Variants in CDH9 observed in about 807,000 individuals in gnomAD.
CDH9 encodes the protein cadherin 9, also known as cadherin-9.
Under a neutral mutation model 70.9 loss-of-function variants are expected in CDH9, and 28 were observed. The observed-to-expected ratio is 0.40, with a 90% CI of 0.29 to 0.54. The LOEUF (loss-of-function observed/expected upper bound fraction) is 0.54, where lower values mean the gene tolerates loss of function less well. Ranked by LOEUF, CDH9 falls within the 20% of genes least tolerant of loss-of-function variation. The pLI is 0.59. For missense variants in CDH9, 874 were observed against 984.4 expected, an observed-to-expected ratio of 0.89 and a Z score of 1.50; for synonymous variants, 409 against 343.1, an observed-to-expected ratio of 1.19 and a Z score of -2.12.
intron 1 of CDH9, among the ~76,000 whole-genome samples, chr5:27,020,083 A>G (rs368765994): frequency 1.3e-5 from 2 of 151,910 alleles, no homozygotes; most frequent in African/African-American, 2.4e-5. Context: ...AATTTATTTT[A>G]TATAACTTGT....
Position 27,038,531 on chromosome 5 carries a change from G to T in CDH9, c.-118C>A, listed in dbSNP as rs1561049771. 2 of 151,968 alleles carry T rather than the reference G, an allele frequency of 1.3e-5. No homozygotes were observed. Among genetic ancestry groups the T allele is most frequent in the Non-Finnish European group, 2.9e-5 (2 of 67,970 alleles). 9.4% of individuals were successfully genotyped at this position (151,968 alleles called of 1,614,324 possible). On this transcript the variant is annotated 5_prime_UTR_variant, in exon 1 of 12. Transcript: ENST00000231021. ...CAGTTCCGTTGTTGCTTCTGTCTCGGTCCTTCTCTTCCCTTTTTATAGTAT... is the reference window on the plus strand; with the variant it reads ...CAGTTCCGTTGTTGCTTCTGTCTCGTTCCTTCTCTTCCCTTTTTATAGTAT...
In CDH9 at chr5:26,902,680, C is replaced by G. The variant is rs1355996461; in HGVS notation, c.1049G>C (p.Ser350Thr). 1 of 1,574,256 alleles carries G rather than the reference C, an allele frequency of 6.4e-7. No individual in the cohort carries two copies. The highest frequency in any genetic ancestry group is 8.7e-7 in the Non-Finnish European group (1 of 1,144,312). The change falls in exon 7 of 12, where the codon AGT becomes ACT. Residue 350 changes from serine to threonine, a missense_variant. Coordinates refer to ENST00000231021, the MANE Select transcript of CDH9 (RefSeq NM_016279.4). ...GAATCGTGGATCAGGGTGAGTGTTA[C>G]TTGCATCCACTCTTAAAGTATAGAG... ...QMLYTLRVDA[S>T]NTHPDPRFLH... is the part of the protein sequence containing the mutation.
chr5:26,885,564 A>T (rs1218555447), intron 11 of CDH9, 50 bp downstream of exon 11: 11 of 1,503,692 alleles, frequency 7.3e-6, no homozygotes, highest in African/African-American at 1.4e-5. Flanking sequence ...TCAGACAGTG[A>T]GGGAGAGATT....
intron 2 of CDH9, among the ~76,000 whole-genome samples, chr5:26,918,457 T>A (rs1246783656): frequency 6.6e-6 from 1 of 152,268 alleles, no homozygotes; most frequent in Non-Finnish European, 1.5e-5. Context: ...GATATTCTTC[T>A]ATTAAGTCAC....
At chr5:26,924,886 A>AT (rs1278283658) in intron 2 of CDH9, among the ~76,000 whole-genome samples, 2 of 151,892 alleles carry the variant, frequency 1.3e-5, no homozygotes, top group African/African-American at 4.8e-5. Flanking sequence ...TGAACTCAAC[A>AT]TTTTTTATGG....
chr5:26,928,185 C>A (rs191937245), intron 2 of CDH9, among the ~76,000 whole-genome samples: 2 of 152,104 alleles, frequency 1.3e-5, no homozygotes, highest in Admixed American at 6.6e-5. Context: ...AAAACAATAA[C>A]ATTTTTATAT....
At chr5:26,996,249 T>A (rs1742663381) in intron 1 of CDH9, among the ~76,000 whole-genome samples, 1 of 152,030 alleles carries the variant, frequency 6.6e-6, no homozygotes, top group Admixed American at 6.6e-5. Context: ...TTTTGATCAA[T>A]AATGAACTTC....
At chr5:27,030,771 T>C (rs1199046084) in intron 1 of CDH9, among the ~76,000 whole-genome samples, 3 of 149,340 alleles carry the variant, frequency 2.0e-5, no homozygotes, top group East Asian at 2.0e-4. Flanking sequence ...AGTGTGGATA[T>C]CTTTCCTCAA....
intron 3 of CDH9, among the ~76,000 whole-genome samples, chr5:26,909,878 G>T (rs929500299): frequency 6.6e-6 from 1 of 151,558 alleles, no homozygotes; most frequent in Non-Finnish European, 1.5e-5. Flanking sequence ...TAAATAATTC[G>T]GTGGCTAAAG....
intron 1 of CDH9, among the ~76,000 whole-genome samples, chr5:26,995,179 C>A (rs889216768): frequency 6.6e-6 from 1 of 152,166 alleles, no homozygotes; most frequent in African/African-American, 2.4e-5. Context: ...ATGCAGTCAG[C>A]ACTTAATATG....
intron 1 of CDH9, among the ~76,000 whole-genome samples, chr5:27,031,259 A>G (rs1354917363): frequency 6.6e-6 from 1 of 151,884 alleles, no homozygotes. Context: ...TTGTATGACT[A>G]TACATAGAAT....
intron 1 of CDH9, among the ~76,000 whole-genome samples, chr5:27,019,428 C>T (rs183738492): frequency 6.6e-6 from 1 of 152,010 alleles, no homozygotes; most frequent in Admixed American, 6.6e-5. Context: ...TTATTTAACA[C>T]ATTTTATAAC....
chr5:26,938,194 CA>C (rs372446387), intron 2 of CDH9, among the ~76,000 whole-genome samples: 3,512 of 134,000 alleles, frequency 0.026, 145 homozygotes, highest in African/African-American at 0.088. Flanking sequence ...TGCATAGTTA[CA>C]AAAAAAAAAT....
At chr5:27,001,099 A>G (rs894637064) in intron 1 of CDH9, among the ~76,000 whole-genome samples, 3 of 152,108 alleles carry the variant, frequency 2.0e-5, no homozygotes, top group African/African-American at 7.2e-5. Flanking sequence ...TTATGAATGA[A>G]CCTTAATGTA....
intron 1 of CDH9, among the ~76,000 whole-genome samples, chr5:26,999,142 G>A (rs1400049698): frequency 6.6e-6 from 1 of 152,090 alleles, no homozygotes; most frequent in Non-Finnish European, 1.5e-5. Context: ...CTACTTGGGA[G>A]GCTGAGGCAG....
At chr5:26,989,563 C>G (rs1453554247) in intron 1 of CDH9, among the ~76,000 whole-genome samples, 1 of 148,714 alleles carries the variant, frequency 6.7e-6, no homozygotes, top group Non-Finnish European at 1.5e-5. Context: ...TCTCTTTCAC[C>G]CTGACTAAAC....
intron 1 of CDH9, among the ~76,000 whole-genome samples, chr5:27,004,006 T>C (rs1742815341): frequency 1.3e-5 from 2 of 151,414 alleles, no homozygotes; most frequent in African/African-American, 4.9e-5. Flanking sequence ...CTAAAATTGT[T>C]CTAAAAAATT....
chr5:26,970,794 C>T (rs1225380311), intron 2 of CDH9, among the ~76,000 whole-genome samples: 11 of 151,884 alleles, frequency 7.2e-5, no homozygotes, highest in African/African-American at 2.7e-4. Flanking sequence ...CTGACCTTGA[C>T]CTGTATGCCT....
At chr5:27,021,890 G>T (rs1579517930) in intron 1 of CDH9, among the ~76,000 whole-genome samples, 1 of 151,908 alleles carries the variant, frequency 6.6e-6, no homozygotes, top group South Asian at 2.1e-4. Context: ...CACAAGAAGA[G>T]GAGATAATTT....
Sources: gnomAD v4.1 joint callset for allele counts (sites outside exome capture counted in the v4.1 genomes callset) on GRCh38, gnomAD v4.1.1 for gene constraint, MANE v1.5 for transcripts, NCBI Gene and HGNC (gene_info 2026-07-23, HGNC 2026-07-21) for gene names.